TRIM5: variants seen among roughly 807,000 people sequenced by gnomAD.
TRIM5 encodes the protein tripartite motif containing 5.
TRIM5 carries 31 observed loss-of-function variants against 35.6 expected under a neutral mutation model. The observed-to-expected ratio is 0.87, with a 90% CI of 0.65 to 1.18. The LOEUF is 1.18. Ranked by LOEUF, TRIM5 falls within the 50% of genes most tolerant of loss-of-function variation. The pLI is 0.00. For synonymous variants in TRIM5, 243 were observed against 215.6 expected, an observed-to-expected ratio of 1.13 and a Z score of -1.11; for missense variants, 609 against 591.6, an observed-to-expected ratio of 1.03 and a Z score of -0.31.
At chr11:5,683,253 C>T (rs533649767) in intron 1 of TRIM5, among the ~76,000 whole-genome samples, 3 of 152,368 alleles carry the variant, frequency 2.0e-5, no homozygotes, top group East Asian at 3.9e-4. Flanking sequence ...CCACGGCGCC[C>T]AGTCCCATCA....
At chr11:5,634,969 C>A in the TRIM5 span, 1 of 1,196,008 alleles carries the variant, frequency 8.4e-7, no homozygotes, top group Non-Finnish European at 1.1e-6. Context: ...CTTGCAGTGC[C>A]GCCTTGTCGT....
chr11:5,619,617 C>T, the TRIM5 span: 1 of 151,588 alleles, frequency 6.6e-6, no homozygotes, highest in Non-Finnish European at 1.5e-5. Flanking sequence ...CATAATCAGC[C>T]TCCGGCAATT....
At chr11:5,610,590 T>G in the TRIM5 span, 1 of 1,605,880 alleles carries the variant, frequency 6.2e-7, no homozygotes, top group Non-Finnish European at 8.5e-7. Context: ...CTCTTTGGGC[T>G]GGCACATTCT....
intron 3 of TRIM5, among the ~76,000 whole-genome samples, chr11:5,678,725 C>A (rs1216304316): frequency 1.3e-5 from 2 of 152,162 alleles, no homozygotes; most frequent in Non-Finnish European, 2.9e-5. Context: ...TACTTCTCAG[C>A]CCAAGCTCAA....
At chr11:5,641,286 C>T in the TRIM5 span, 2 of 1,588,590 alleles carry the variant, frequency 1.3e-6, no homozygotes, top group South Asian at 2.3e-5. Flanking sequence ...AAAAATCTCC[C>T]AGAGTAGTAA....
the TRIM5 span, chr11:5,605,388 C>G: frequency 6.2e-7 from 1 of 1,614,086 alleles, no homozygotes. Context: ...TAATCAGCTG[C>G]GAAATATCCT....
the TRIM5 span, chr11:5,608,491 A>G: frequency 6.4e-7 from 1 of 1,562,772 alleles, no homozygotes; most frequent in East Asian, 2.3e-5. Flanking sequence ...AGAGTGGGGA[A>G]GATTCAAGAG....
chr11:5,637,292 G>A, the TRIM5 span, among the ~76,000 whole-genome samples: 1 of 152,154 alleles, frequency 6.6e-6, no homozygotes, highest in East Asian at 1.9e-4. Flanking sequence ...CGGGATGGAT[G>A]GTGTTATCAT....
At chr11:5,651,006 T>A in the TRIM5 span, among the ~76,000 whole-genome samples, 1 of 152,184 alleles carries the variant, frequency 6.6e-6, no homozygotes, top group African/African-American at 2.4e-5. Flanking sequence ...CAGAGCATTA[T>A]CTTATTCCAG....
chr11:5,615,604 G>C, the TRIM5 span, among the ~76,000 whole-genome samples: 3 of 142,478 alleles, frequency 2.1e-5, no homozygotes, highest in African/African-American at 7.7e-5. Flanking sequence ...GTTGTTGTTT[G>C]TTTGTTTGAG....
downstream of TRIM5, among the ~76,000 whole-genome samples, chr11:5,661,041 CAAAAAAAAAAAAAAAAAAAAAAAAAAAA>C (rs61394016): frequency 4.6e-4 from 17 of 37,142 alleles, no homozygotes; most frequent in South Asian, 0.014. Context: ...GACTCCGTCT[CAAAAAAAAAAAAAAAAAAAAAAAAAAAA>C]AAAAAAAAAA....
chr11:5,640,590 A>C, the TRIM5 span, among the ~76,000 whole-genome samples: 2 of 152,018 alleles, frequency 1.3e-5, no homozygotes, highest in Admixed American at 6.6e-5. Context: ...ATATTGGTCT[A>C]TGGTTTTCTT....
At chr11:5,596,904 G>A in the TRIM5 span, 3 of 1,614,012 alleles carry the variant, frequency 1.9e-6, no homozygotes, top group Admixed American at 1.7e-5. Context: ...CCAGATGTGC[G>A]GGTCAGAGAG....
chr11:5,590,514 T>C, the TRIM5 span: 1 of 152,324 alleles, frequency 6.6e-6, no homozygotes, highest in Non-Finnish European at 1.5e-5. Context: ...TGGTGGGGCC[T>C]TGGAGAACCT....
the TRIM5 span, among the ~76,000 whole-genome samples, chr11:5,644,898 G>A: frequency 6.6e-6 from 1 of 152,156 alleles, no homozygotes; most frequent in Admixed American, 6.6e-5. Context: ...CATCCCCATG[G>A]TAATGAATAC....
chr11:5,596,929 C>T, the TRIM5 span: 4 of 1,614,084 alleles, frequency 2.5e-6, no homozygotes, highest in Non-Finnish European at 3.4e-6. Flanking sequence ...GTCTACCGTT[C>T]TGTTGACTGG....
chr11:5,652,934 C>T, the TRIM5 span, among the ~76,000 whole-genome samples: 2 of 151,364 alleles, frequency 1.3e-5, no homozygotes, highest in African/African-American at 4.9e-5. Context: ...TCACTGCAAG[C>T]TCCAGCCTCC....
intron 4 of TRIM5, among the ~76,000 whole-genome samples, chr11:5,676,519 T>C (rs999818342): frequency 2.6e-5 from 4 of 152,068 alleles, no homozygotes; most frequent in African/African-American, 7.2e-5. Context: ...ATCGTGAAAA[T>C]GGCCATACTG....
the TRIM5 span, chr11:5,611,169 C>T: frequency 1.7e-5 from 27 of 1,614,110 alleles, no homozygotes; most frequent in East Asian, 2.2e-5. Context: ...GCCCCCTCGC[C>T]GTGTTGGGGT....
Sources: allele counts gnomAD v4.1 joint callset (sites outside exome capture counted in the v4.1 genomes callset), GRCh38; gene constraint gnomAD v4.1.1; transcripts MANE v1.5; gene names NCBI Gene and HGNC (gene_info 2026-07-23, HGNC 2026-07-21).